Variants in FREM2 observed in about 807,000 individuals in gnomAD.
The protein encoded by FREM2 is FRAS1 related extracellular matrix 2, also known as FRAS1-related extracellular matrix protein 2.
FREM2 carries 119 observed loss-of-function variants against 219.9 expected under a neutral mutation model. The observed-to-expected ratio is 0.54, with a 90% CI of 0.47 to 0.63. The LOEUF is 0.63. FREM2 is among the 30% of genes least tolerant of loss of function. The probability of loss-of-function intolerance (pLI) is 0.00; values close to 1 mark genes in which losing one functional copy is unlikely to be tolerated. For missense variants in FREM2, 4,030 were observed against 3,993.6 expected (o/e 1.01, Z -0.25); for synonymous variants, 1,562 against 1,522.8 (o/e 1.03, Z -0.60).
chr13:38,743,737 G>A (rs531670219), intron 2 of FREM2, among the ~76,000 whole-genome samples: 26 of 152,192 alleles, frequency 1.7e-4, no homozygotes, highest in South Asian at 6.2e-4. Flanking sequence ...TTCTCCACTA[G>A]CTTAATCCTT....
chr13:38,800,685 A>G (rs1405379659), intron 6 of FREM2, among the ~76,000 whole-genome samples: 1 of 152,200 alleles, frequency 6.6e-6, no homozygotes, highest in African/African-American at 2.4e-5. Context: ...GCTGGAATGC[A>G]ATGGTGCAAT....
At chr13:38,783,628 A>T (rs892015200) in intron 5 of FREM2, among the ~76,000 whole-genome samples, 1 of 152,158 alleles carries the variant, frequency 6.6e-6, no homozygotes, top group Admixed American at 6.5e-5. Context: ...TATAATAAAA[A>T]ATTAAAATTA....
chr13:38,787,698 ATTATTTATTAATG>A (rs1874384508), intron 6 of FREM2, among the ~76,000 whole-genome samples: 1 of 148,900 alleles, frequency 6.7e-6, no homozygotes, highest in Non-Finnish European at 1.5e-5. Flanking sequence ...TAACTTATTT[ATTATTTATTAATG>A]TTATTTATTA....
rs1307286613 is a variant in FREM2, at chr13:38,799,578, T to A, written c.6019+14770T>A. 3.9e-5 allele frequency among the ~76,000 whole-genome samples: 6 copies of A among 152,118 alleles called. 1 individual carries two copies. Among genetic ancestry groups the A allele is most frequent in the African/African-American group, 1.4e-4 (6 of 41,444 alleles). On this transcript the variant is annotated intron_variant, in intron 6 of 23. Transcript: ENST00000280481. ...AGTGGGGTGTTGAAGTCCCTTGCTA[T>A]TATTGTATTGCTGTCTGTGTTTTTC...
Position 38,754,901 on chromosome 13 carries a change from G to GATGATTATTATTATTATTATT in FREM2, c.5264-9401_5264-9400insGATTATTATTATTATTATTAT, listed in dbSNP as rs56270131. Among the ~76,000 whole-genome samples, 353 of 128,632 alleles carry GATGATTATTATTATTATTATT rather than the reference G, an allele frequency of 2.7e-3. 3 individuals carry two copies. Among genetic ancestry groups the GATGATTATTATTATTATTATT allele is most frequent in the Middle Eastern group, 0.026 (6 of 234 alleles). The allele number at this position is 128,632 out of a possible 152,430, so 84.4% of individuals were successfully genotyped here. ...TGATGATGATGATGATGATGATGAT[G>GATGATTATTATTATTATTATT]ATTATTATTATTATTATTAGAGATG... On this transcript the variant is annotated intron_variant, in intron 2 of 23. Transcript: ENST00000280481.
At chr13:38,801,995 G>A (rs1238620180) in intron 6 of FREM2, among the ~76,000 whole-genome samples, 2 of 152,146 alleles carry the variant, frequency 1.3e-5, no homozygotes, top group African/African-American at 2.4e-5. Flanking sequence ...AGGTTGGTTT[G>A]CCCCAACCTC....
intron 16 of FREM2, among the ~76,000 whole-genome samples, chr13:38,869,934 TCC>T (rs1566173316): frequency 6.6e-6 from 1 of 152,192 alleles, no homozygotes; most frequent in Non-Finnish European, 1.5e-5. Flanking sequence ...ATCTTAACTC[TCC>T]CATTTGTTTA....
At position 38,882,738 on chromosome 13, in the gene FREM2, A is replaced by G. The variant is rs1878591067; in HGVS notation, c.*1951A>G. The G allele has an allele frequency of 6.6e-6, 1 of 152,148 alleles. No individual in the cohort carries two copies. The highest frequency in any genetic ancestry group is 2.1e-4 in the South Asian group (1 of 4,824). 9.4% of individuals were successfully genotyped at this position (152,148 alleles called of 1,614,324 possible). ...GCTTAGCTACTTCTTTGGCTACCTC[A>G]TAATTTGTATGGGAATGAACATGAA... is the stretch of plus-strand genomic sequence containing the variant. On this transcript the variant is annotated 3_prime_UTR_variant, in exon 24 of 24. Coordinates refer to ENST00000280481, the MANE Select transcript of FREM2 (RefSeq NM_207361.6).
At chr13:38,863,606 T>A (rs1303519067) in intron 15 of FREM2, among the ~76,000 whole-genome samples, 2 of 152,212 alleles carry the variant, frequency 1.3e-5, no homozygotes, top group Non-Finnish European at 2.9e-5. Context: ...ATCATTAATG[T>A]CTGACTTAAT....
At chr13:38,846,426 A>G in intron 6 of FREM2, 147 bp from the exon 7 acceptor site, 1 of 729,998 alleles carries the variant, frequency 1.4e-6, no homozygotes, top group Non-Finnish European at 2.3e-6. Flanking sequence ...TTTAGATTAA[A>G]GAGATGTTAT....
intron 2 of FREM2, among the ~76,000 whole-genome samples, chr13:38,734,335 GA>G (rs1241116636): frequency 6.6e-6 from 1 of 152,156 alleles, no homozygotes; most frequent in African/African-American, 2.4e-5. Flanking sequence ...GACAATATGA[GA>G]AAAGAAAAGA....
At chr13:38,788,080 G>A (rs560670797) in intron 6 of FREM2, among the ~76,000 whole-genome samples, 4 of 152,246 alleles carry the variant, frequency 2.6e-5, no homozygotes, top group South Asian at 2.1e-4. Flanking sequence ...GGTAAACCAC[G>A]TCTTTCATAT....
chr13:38,691,360 T>C lies in FREM2; in HGVS notation c.4016T>C (p.Leu1339Ser). 1.2e-6 allele frequency: 2 copies of C among 1,614,038 alleles called. No homozygotes were observed. The change falls in exon 1 of 24, where the codon TTG (leucine) becomes TCG (serine). Residue 1339 changes from leucine to serine, a missense_variant. Physicochemically the swap from Leu to Ser is moderately radical, Grantham distance 145. Coordinates refer to ENST00000280481, the MANE Select transcript of FREM2 (RefSeq NM_207361.6). Reference sequence around the variant, plus strand: ...GATTTAGATTCAGAAGACAAATCTTTGGTTTATATTATTCGTTATGGGCCA... The same window carrying C: ...GATTTAGATTCAGAAGACAAATCTTCGGTTTATATTATTCGTTATGGGCCA... ...ATDLDSEDKS[L>S]VYIIRYGPGH...
chr13:38,746,007 C>G (rs769563302), intron 2 of FREM2, among the ~76,000 whole-genome samples: 2 of 152,112 alleles, frequency 1.3e-5, no homozygotes, highest in Non-Finnish European at 2.9e-5. Flanking sequence ...CCATTTCTTA[C>G]TTTTATGATT....
chr13:38,813,518 CCTCTCTCTCTCT>C (rs869095846), intron 6 of FREM2, among the ~76,000 whole-genome samples: 7 of 7,798 alleles, frequency 9.0e-4, no homozygotes, highest in African/African-American at 1.2e-3. Context: ...CTCTCTCTCT[CCTCTCTCTCTCT>C]CTCTCTCTCT....
rs1005541824 is a variant in FREM2, at chr13:38,881,718, A to G, written c.*931A>G. ...AAATGATAATAAGAAACATTGTTACAGATGGTGAAGGGAGAAAGTGGTATT... is the reference window on the plus strand; with the variant it reads ...AAATGATAATAAGAAACATTGTTACGGATGGTGAAGGGAGAAAGTGGTATT... On this transcript the variant is annotated 3_prime_UTR_variant, in exon 24 of 24. Transcript: ENST00000280481. 1 of 152,630 alleles carries G rather than the reference A, an allele frequency of 6.6e-6. No individual in the cohort carries two copies. The highest frequency in any genetic ancestry group is 2.4e-5 in the African/African-American group (1 of 41,448). 9.5% of individuals were successfully genotyped at this position (152,630 alleles called of 1,614,324 possible).
At chr13:38,758,390 T>A (rs140669670) in intron 2 of FREM2, among the ~76,000 whole-genome samples, 265 of 152,320 alleles carry the variant, frequency 1.7e-3, no homozygotes, top group African/African-American at 6.1e-3. Context: ...AAACACTATC[T>A]CTTCCATGAG....
intron 18 of FREM2, among the ~76,000 whole-genome samples, chr13:38,875,811 G>A (rs978737724): frequency 2.6e-5 from 4 of 152,192 alleles, no homozygotes; most frequent in African/African-American, 9.7e-5. Flanking sequence ...CATCCTAGCT[G>A]TGTGATCTTT....
At position 38,688,075 on chromosome 13, in the gene FREM2, G is replaced by A. The variant is rs1293306260; in HGVS notation, c.731G>A (p.Arg244Lys). Residue 244 changes from arginine to lysine, a missense_variant, in exon 1 of 24, where the codon AGA becomes AAA. Physicochemically the swap from Arg to Lys is conservative, Grantham distance 26. Around this residue, in one of 2 missense-constraint regions of FREM2, gnomAD observed 3,102 missense variants for 2,950.7 expected, o/e 1.05. Coordinates refer to ENST00000280481, the MANE Select transcript of FREM2 (RefSeq NM_207361.6). ...TACCCGCAGGTCCCTGGAGGAGCCA[G>A]AGAGGGAGGCGCCCCGGAGACTCTC... ...LHYPQVPGGAREGGAPETLLM... is the reference protein window; with the variant it reads ...LHYPQVPGGAKEGGAPETLLM... 6.2e-7 allele frequency: 1 copy of A among 1,608,836 alleles called. No individual in the cohort carries two copies. The highest frequency in any genetic ancestry group is 1.3e-5 in the African/African-American group (1 of 74,986).
Sources: allele counts gnomAD v4.1 joint callset (sites outside exome capture counted in the v4.1 genomes callset), GRCh38; gene constraint gnomAD v4.1.1; regional missense constraint gnomAD v4.1.1; transcripts MANE v1.5; gene names NCBI Gene and HGNC (gene_info 2026-07-23, HGNC 2026-07-21).